Variants in MEGF11 observed in about 807,000 individuals in gnomAD.
MEGF11 encodes multiple EGF like domains 11, also known as multiple epidermal growth factor-like domains protein 11.
A neutral mutation model predicts 146.6 loss-of-function variants in MEGF11; 126 were observed. That is an observed-to-expected ratio of 0.86 (90% CI 0.74 to 1.00). MEGF11 has a LOEUF of 1.00. Ranked by LOEUF, MEGF11 falls within the 50% of genes least tolerant of loss-of-function variation. The pLI, the probability that MEGF11 is intolerant of heterozygous loss-of-function variation, is 0.00. For synonymous variants in MEGF11, 532 were observed against 583.4 expected (o/e 0.91, Z 1.27); for missense variants, 1,509 against 1,521.2 (o/e 0.99, Z 0.13).
intron 1 of MEGF11, among the ~76,000 whole-genome samples, chr15:66,218,967 G>A (rs1488714990): frequency 1.5e-5 from 1 of 66,504 alleles, no homozygotes; most frequent in African/African-American, 1.3e-4. Flanking sequence ...AGAACAACTG[G>A]ATATCCACAG....
At chr15:66,055,285 A>T (rs979514139) in intron 5 of MEGF11, among the ~76,000 whole-genome samples, 1 of 152,264 alleles carries the variant, frequency 6.6e-6, no homozygotes, top group African/African-American at 2.4e-5. Context: ...CAGTAAAACT[A>T]TCGAGATTCG....
chr15:66,191,947 A>T (rs908607041), intron 1 of MEGF11, among the ~76,000 whole-genome samples: 1 of 151,808 alleles, frequency 6.6e-6, no homozygotes, highest in African/African-American at 2.4e-5. Flanking sequence ...GCATGGTGGC[A>T]CGCGCCTGTA....
intron 5 of MEGF11, among the ~76,000 whole-genome samples, chr15:66,039,679 G>A (rs2083872822): frequency 6.6e-6 from 1 of 152,112 alleles, no homozygotes; most frequent in Non-Finnish European, 1.5e-5. Context: ...CATCCTCTAG[G>A]AAGCCTGGAC....
chr15:66,211,235 A>G (rs1336685011), intron 1 of MEGF11, among the ~76,000 whole-genome samples: 1 of 152,204 alleles, frequency 6.6e-6, no homozygotes, highest in Admixed American at 6.5e-5. Context: ...AAGAAAGAAA[A>G]TCATCCAGCC....
intron 5 of MEGF11, among the ~76,000 whole-genome samples, chr15:66,033,910 C>T (rs2083627805): frequency 6.6e-6 from 1 of 152,190 alleles, no homozygotes; most frequent in African/African-American, 2.4e-5. Flanking sequence ...TTTGCCTCAG[C>T]CTCCCCAGTA....
chr15:66,002,646 T>C (rs921855575), intron 5 of MEGF11, among the ~76,000 whole-genome samples: 13 of 152,228 alleles, frequency 8.5e-5, no homozygotes, highest in African/African-American at 2.4e-5. Context: ...ATTGACATGG[T>C]AGGGTAGTTG....
At chr15:66,226,816 AAC>A (rs886597656) in intron 1 of MEGF11, among the ~76,000 whole-genome samples, 1 of 151,650 alleles carries the variant, frequency 6.6e-6, no homozygotes, top group African/African-American at 2.4e-5. Context: ...TGGGCACACA[AAC>A]ACACGTGTGT....
chr15:65,938,750 C>T (rs556591151), intron 10 of MEGF11, among the ~76,000 whole-genome samples: 27 of 152,360 alleles, frequency 1.8e-4, no homozygotes, highest in Admixed American at 9.8e-4. Flanking sequence ...AAACCCTCGA[C>T]GCTGGTCCCA....
chr15:65,921,782 A>G (rs1414818410), intron 15 of MEGF11: 1 of 153,306 alleles, frequency 6.5e-6, no homozygotes, highest in Admixed American at 6.4e-5. Flanking sequence ...CACCAATGCA[A>G]ATAAGCTTTA....
chr15:66,023,908 T>C (rs2083243233), intron 5 of MEGF11, among the ~76,000 whole-genome samples: 1 of 152,110 alleles, frequency 6.6e-6, no homozygotes, highest in African/African-American at 2.4e-5. Context: ...AGGGTCGGTC[T>C]GAAGGCTGCA....
Position 65,982,213 on chromosome 15 carries a change from G to T in MEGF11, c.641+29C>A, listed in dbSNP as rs1375404331. ...TCCAGGTCCCGCCCCTCCAGGTCCC[G>T]CCCCTCCAGGTCCTGCCGCATGACT... On this transcript the variant is annotated intron_variant, in intron 6 of 25. Transcript: ENST00000395614. This position sits in a 1 kb window ranked among gnomAD's most constrained non-coding sequence, Gnocchi z 5.6. 1 of 812,280 alleles carries T rather than the reference G, an allele frequency of 1.2e-6. No homozygotes were observed. The highest frequency in any genetic ancestry group is 1.6e-6 in the Non-Finnish European group (1 of 619,302). The allele number at this position is 812,280 out of a possible 1,614,324, so 50.3% of individuals were successfully genotyped here.
intron 1 of MEGF11, among the ~76,000 whole-genome samples, chr15:66,217,560 T>C (rs186194213): frequency 9.8e-5 from 15 of 152,326 alleles, no homozygotes; most frequent in African/African-American, 3.6e-4. Context: ...AACATGCAAA[T>C]ATGTGTTCAC....
chr15:66,024,996 G>A (rs1325303214), intron 5 of MEGF11, among the ~76,000 whole-genome samples: 1 of 151,724 alleles, frequency 6.6e-6, no homozygotes, highest in African/African-American at 2.4e-5. Context: ...CCCCACCCCT[G>A]TTAATGGCCG....
At chr15:65,934,443 G>T (rs548332102) in intron 10 of MEGF11, among the ~76,000 whole-genome samples, 3 of 152,190 alleles carry the variant, frequency 2.0e-5, no homozygotes, top group Admixed American at 2.0e-4. Flanking sequence ...TAGAGATGGG[G>T]TTTCTCCATG....
chr15:66,230,137 G>A (rs1262016737), intron 1 of MEGF11, among the ~76,000 whole-genome samples: 2 of 152,118 alleles, frequency 1.3e-5, no homozygotes, highest in African/African-American at 2.4e-5. Flanking sequence ...AGCTGCCTCC[G>A]AGCCCAGGCA....
At chr15:66,116,529 C>T (rs1410649892) in intron 4 of MEGF11, among the ~76,000 whole-genome samples, 1 of 152,170 alleles carries the variant, frequency 6.6e-6, no homozygotes, top group Admixed American at 6.5e-5. Context: ...CTGCATCTTG[C>T]GTAGCAAGAA....
intron 1 of MEGF11, among the ~76,000 whole-genome samples, chr15:66,186,881 T>C (rs928771450): frequency 6.6e-6 from 1 of 152,244 alleles, no homozygotes; most frequent in East Asian, 1.9e-4. Flanking sequence ...GAGCTACTGA[T>C]GGCTGAGCCA....
intron 1 of MEGF11, among the ~76,000 whole-genome samples, chr15:66,204,724 C>T (rs1219716644): frequency 6.6e-6 from 1 of 152,208 alleles, no homozygotes; most frequent in Non-Finnish European, 1.5e-5. Context: ...TTGTCCTCTT[C>T]TGCATTTCCC....
rs190078931 is a variant in MEGF11, at chr15:65,952,636, T to C, written c.1287+4911A>G. Among the ~76,000 whole-genome samples the C allele has an allele frequency of 6.0e-4, 92 of 152,340 alleles. 1 individual carries two copies. In the Middle Eastern group the frequency reaches 0.01, roughly 17 times the overall value. The stretch of plus-strand genomic sequence containing the variant: ...GCCTTGAATCCCTGGCTCATGAGGC[T>C]GTCCAAGGTGCTGAAACGATGCCGT... On this transcript the variant is annotated intron_variant, in intron 10 of 25. Transcript: ENST00000395614.
Sources: gnomAD v4.1 joint callset for allele counts (sites outside exome capture counted in the v4.1 genomes callset) on GRCh38, gnomAD v4.1.1 for gene constraint, Gnocchi (gnomAD v3.1) non-coding constraint, MANE v1.5 for transcripts, NCBI Gene and HGNC (gene_info 2026-07-23, HGNC 2026-07-21) for gene names.